WDR33: variants seen among roughly 807,000 people sequenced by gnomAD.
WDR33 encodes pre-mRNA 3' end processing protein WDR33.
Under a neutral mutation model 164.9 loss-of-function variants are expected in WDR33, and 47 were observed. That is an observed-to-expected ratio of 0.29 (90% CI 0.23 to 0.36). The LOEUF is 0.36. WDR33 is among the 10% of genes least tolerant of loss of function. The probability of loss-of-function intolerance (pLI) is 1.00; values close to 1 mark genes in which losing one functional copy is unlikely to be tolerated. For synonymous variants in WDR33, 505 were observed against 589.0 expected, an observed-to-expected ratio of 0.86 and a Z score of 2.06; for missense variants, 1,137 against 1,754.1, an observed-to-expected ratio of 0.65 and a Z score of 6.28.
intron 1 of WDR33, among the ~76,000 whole-genome samples, chr2:127,795,006 A>T (rs1688983667): frequency 6.6e-6 from 1 of 151,750 alleles, no homozygotes; most frequent in South Asian, 2.1e-4. Flanking sequence ...TAAAAATAAA[A>T]TACTTTCTAT....
At chr2:127,797,357 TGGC>T (rs1308769376) in intron 1 of WDR33, among the ~76,000 whole-genome samples, 1 of 152,034 alleles carries the variant, frequency 6.6e-6, no homozygotes, top group Non-Finnish European at 1.5e-5. Flanking sequence ...CTGGGCGTGG[TGGC>T]GCACACCTGT....
Position 127,702,101 on chromosome 2 carries a change from C to T in WDR33, c.*4222G>A, listed in dbSNP as rs1303974911. 10 of 1,216,646 alleles carry T rather than the reference C, an allele frequency of 8.2e-6. No individual in the cohort carries two copies. The highest frequency in any genetic ancestry group is 6.3e-5 in the African/African-American group (4 of 63,300). The allele number at this position is 1,216,646 out of a possible 1,614,324, so 75.4% of individuals were successfully genotyped here. ...CGCTGGTTGGGCTGCTGCCCTGGGG[C>T]GGCGGCACCGCGCTGCGCCTCGCAC... On this transcript the variant is annotated 3_prime_UTR_variant, in exon 22 of 22. Transcript: ENST00000322313.
chr2:127,764,781 T>G lies in WDR33; in HGVS notation c.626+47A>C. On this transcript the variant is annotated intron_variant, in intron 6 of 21. Transcript: ENST00000322313. This position sits in a 1 kb window ranked among gnomAD's most constrained non-coding sequence, Gnocchi z 6.2. ...CCCAGAATACACTTAGAGAATAATTTAACCATGACAATAGGGACTACAGAA... is the reference window on the plus strand; with the variant it reads ...CCCAGAATACACTTAGAGAATAATTGAACCATGACAATAGGGACTACAGAA... The G allele has an allele frequency of 6.2e-7, 1 of 1,614,196 alleles. No homozygotes were observed. The highest frequency in any genetic ancestry group is 8.5e-7 in the Non-Finnish European group (1 of 1,180,028).
chr2:127,747,492 T>C (rs1573910583), intron 7 of WDR33, among the ~76,000 whole-genome samples: 1 of 152,174 alleles, frequency 6.6e-6, no homozygotes, highest in Non-Finnish European at 1.5e-5. Context: ...TTTAAAGATT[T>C]TGAGGTTCCC....
At chr2:127,773,777 T>A (rs1688089581) in intron 1 of WDR33, among the ~76,000 whole-genome samples, 2 of 152,176 alleles carry the variant, frequency 1.3e-5, no homozygotes, top group South Asian at 4.1e-4. Flanking sequence ...AGCATTTTTT[T>A]ATTTGAGATG....
intron 7 of WDR33, among the ~76,000 whole-genome samples, chr2:127,729,804 T>G (rs911440256): frequency 1.2e-4 from 18 of 152,234 alleles, no homozygotes; most frequent in African/African-American, 4.3e-4. Flanking sequence ...CAACTATTCA[T>G]TTTTTAGCCT....
At position 127,712,844 on chromosome 2, in the gene WDR33, T is replaced by C. The variant is rs1487523150; in HGVS notation, c.3308+739A>G. ...GGCATAATCATAACTCACTGCAGCCTCCTGGCCTCAGCTGATCCTCCCACC... is the reference window on the plus strand; with the variant it reads ...GGCATAATCATAACTCACTGCAGCCCCCTGGCCTCAGCTGATCCTCCCACC... On this transcript the variant is annotated intron_variant, in intron 18 of 21. Coordinates refer to ENST00000322313, the MANE Select transcript of WDR33 (RefSeq NM_018383.5). This position sits in a 1 kb window ranked among gnomAD's most constrained non-coding sequence, Gnocchi z 4.0. Among the ~76,000 whole-genome samples, 1 of 152,224 alleles carries C rather than the reference T, an allele frequency of 6.6e-6. No homozygotes were observed. Among genetic ancestry groups the C allele is most frequent in the Non-Finnish European group, 1.5e-5 (1 of 68,050 alleles).
At chr2:127,745,684 T>C (rs17418090) in intron 7 of WDR33, among the ~76,000 whole-genome samples, 10,001 of 152,174 alleles carry the variant, frequency 0.066, 440 homozygotes, top group Middle Eastern at 0.16. Context: ...ACATACCACT[T>C]TATGGGCTTC....
intron 1 of WDR33, among the ~76,000 whole-genome samples, chr2:127,803,047 C>CA (rs1689308462): frequency 6.6e-6 from 1 of 151,822 alleles, no homozygotes; most frequent in Non-Finnish European, 1.5e-5. Flanking sequence ...TGAATACAAA[C>CA]AAAAACTGTG....
rs1302847734 is a variant in WDR33 at position 127,713,011 on chromosome 2, C to G, written c.3308+572G>C. Among the ~76,000 whole-genome samples, 1 of 152,218 alleles carries G rather than the reference C, an allele frequency of 6.6e-6. No individual in the cohort carries two copies. The highest frequency in any genetic ancestry group is 1.9e-4 in the East Asian group (1 of 5,200). ...GCCTCAAGCGATCCTCCTGCCTCAGCCACCCAAAGTGCTGGGATTACAGGC... is the reference window on the plus strand; with the variant it reads ...GCCTCAAGCGATCCTCCTGCCTCAGGCACCCAAAGTGCTGGGATTACAGGC... On this transcript the variant is annotated intron_variant, in intron 18 of 21. Transcript: ENST00000322313. This position sits in a 1 kb window ranked among gnomAD's most constrained non-coding sequence, Gnocchi z 6.2.
chr2:127,719,325 T>A lies in WDR33; in HGVS notation c.2700A>T (p.Ile900=). 2.0e-6 allele frequency: 3 copies of A among 1,500,432 alleles called. No homozygotes were observed. Among genetic ancestry groups the A allele is most frequent in the Non-Finnish European group, 2.7e-6 (3 of 1,125,200 alleles). The allele number at this position is 1,500,432 out of a possible 1,614,324, so 92.9% of individuals were successfully genotyped here. A position where few individuals can be genotyped will look rare whatever the true frequency, so the allele number is the denominator to read the frequency against. The part of the protein sequence containing the change: ...ARGPHPSQGP[I]PFQQQKTPLL... ...GAGGCGTTTTCTGTTGCTGGAATGG[T>A]ATTGGCCCTTGAGATGGATGTGGCC... is the stretch of plus-strand genomic sequence containing the variant. Residue 900 remains isoleucine, a synonymous_variant, in exon 16 of 22, where the codon ATA becomes ATT. Coordinates refer to ENST00000322313, the MANE Select transcript of WDR33 (RefSeq NM_018383.5). The surrounding 1 kb of genome is among the most constrained non-coding windows in gnomAD (Gnocchi z 6.5).
In WDR33 at chr2:127,726,921, G is replaced by T; in HGVS notation, c.725-144C>A. ...GTTTTGTGAAGACTCTTTGGCCTCT[G>T]TGTGTCTGGAAATTTTTCAGATACA... On this transcript the variant is annotated intron_variant, in intron 7 of 21. Coordinates refer to ENST00000322313, the MANE Select transcript of WDR33 (RefSeq NM_018383.5). The surrounding 1 kb of genome is among the most constrained non-coding windows in gnomAD (Gnocchi z 4.8). The T allele has an allele frequency of 9.5e-7, 1 of 1,048,670 alleles. No homozygotes were observed. Among genetic ancestry groups the T allele is most frequent in the Non-Finnish European group, 1.4e-6 (1 of 736,812 alleles). 65.0% of individuals were successfully genotyped at this position (1,048,670 alleles called of 1,614,324 possible).
chr2:127,709,422 G>A lies in WDR33; in HGVS notation c.3565+68C>T. On this transcript the variant is annotated intron_variant, in intron 20 of 21. Transcript: ENST00000322313. This position sits in a 1 kb window ranked among gnomAD's most constrained non-coding sequence, Gnocchi z 5.0. ...AAGAGGAGACCCGGTGCACCCCAGA[G>A]AGGGCCCTCAGAACTCACTTTGTGA... 2 of 1,501,682 alleles carry A rather than the reference G, an allele frequency of 1.3e-6. No individual in the cohort carries two copies. The highest frequency in any genetic ancestry group is 2.3e-5 in the East Asian group (1 of 43,890). 93.0% of individuals were successfully genotyped at this position (1,501,682 alleles called of 1,614,324 possible).
At chr2:127,771,722 G>A (rs2105445686) in intron 1 of WDR33, among the ~76,000 whole-genome samples, 1 of 147,876 alleles carries the variant, frequency 6.8e-6, no homozygotes. Context: ...AGGTTGCACT[G>A]AGCCATGATC....
intron 1 of WDR33, among the ~76,000 whole-genome samples, chr2:127,783,691 G>A (rs1422483984): frequency 3.2e-5 from 4 of 124,570 alleles, no homozygotes; most frequent in Admixed American, 9.9e-5. Context: ...TGCGACCTCC[G>A]CCTCCTAGGT....
Position 127,706,366 on chromosome 2 carries a change from G to T in WDR33, c.3968C>A (p.Pro1323Gln). The T allele has an allele frequency of 6.2e-7, 1 of 1,602,624 alleles. No homozygotes were observed. The highest frequency in any genetic ancestry group is 8.5e-7 in the Non-Finnish European group (1 of 1,174,148). ...WGRGSNMNSG[P>Q]PRRGASRGGG... Reference sequence around the variant, plus strand: ...ACCCCGTGAAGCTCCTCGCCTCGGCGGGCCAGAGTTCATGTTACTCCCTCT... The same window carrying T: ...ACCCCGTGAAGCTCCTCGCCTCGGCTGGCCAGAGTTCATGTTACTCCCTCT... Residue 1323 changes from proline (P) to glutamine (Q), a missense_variant, in exon 22 of 22, where the codon CCG becomes CAG. Coordinates refer to ENST00000322313, the MANE Select transcript of WDR33 (RefSeq NM_018383.5). This position sits in a 1 kb window ranked among gnomAD's most constrained non-coding sequence, Gnocchi z 5.1.
intron 1 of WDR33, among the ~76,000 whole-genome samples, chr2:127,782,957 C>T (rs542917192): frequency 2.6e-5 from 4 of 152,026 alleles, no homozygotes; most frequent in Non-Finnish European, 4.4e-5. Context: ...TGCAGTGAGC[C>T]GAGATCATGC....
intron 1 of WDR33, among the ~76,000 whole-genome samples, chr2:127,793,120 T>C (rs1433827274): frequency 6.6e-6 from 1 of 152,182 alleles, no homozygotes; most frequent in Non-Finnish European, 1.5e-5. Context: ...TAATATCTAA[T>C]GATTTGGTAC....
chr2:127,746,040 T>TTA (rs1687158803), intron 7 of WDR33, among the ~76,000 whole-genome samples: 1 of 56,688 alleles, frequency 1.8e-5, no homozygotes, highest in African/African-American at 1.0e-4. Context: ...CATAAAATAA[T>TTA]TAAAAAAAAA....
Sources: allele counts gnomAD v4.1 joint callset (sites outside exome capture counted in the v4.1 genomes callset), GRCh38; gene constraint gnomAD v4.1.1; non-coding constraint Gnocchi (gnomAD v3.1); transcripts MANE v1.5; gene names NCBI Gene and HGNC (gene_info 2026-07-23, HGNC 2026-07-21).